DTNA: variants seen among roughly 807,000 people sequenced by gnomAD.
DTNA encodes the protein dystrobrevin alpha, also known as dystrophin-related protein 3.
A neutral mutation model predicts 100.7 loss-of-function variants in DTNA; 43 were observed. That is an observed-to-expected ratio of 0.43 (90% confidence interval 0.33 to 0.55). The LOEUF is 0.55. DTNA is among the 20% of genes least tolerant of loss of function. The probability of loss-of-function intolerance (pLI) is 0.04; values close to 1 mark genes in which losing one functional copy is unlikely to be tolerated. For synonymous variants in DTNA, 349 were observed against 347.9 expected (o/e 1.00, Z -0.04); for missense variants, 798 against 953.9 (o/e 0.84, Z 2.15).
At chr18:34,880,720 G>T (rs1455598275) in intron 20 of DTNA, among the ~76,000 whole-genome samples, 1 of 152,192 alleles carries the variant, frequency 6.6e-6, no homozygotes, top group African/African-American at 2.4e-5. Flanking sequence ...TTATCAAGAG[G>T]TGTGGTCTGA....
At chr18:34,831,352 C>G (rs1623775) in intron 11 of DTNA, among the ~76,000 whole-genome samples, 1 of 152,094 alleles carries the variant, frequency 6.6e-6, no homozygotes, top group South Asian at 2.1e-4. Flanking sequence ...TATATAACAT[C>G]TAGCCAGGTC....
rs555682581 is a variant in DTNA, at chr18:34,731,588, A to G, written c.-2+21143A>G. Among the ~76,000 whole-genome samples, 10 of 152,344 alleles carry G rather than the reference A, an allele frequency of 6.6e-5. No individual in the cohort carries two copies. The South Asian group carries it at 1.0e-3, about 16-fold the overall frequency. On this transcript the variant is annotated intron_variant, in intron 1 of 22. Transcript: ENST00000444659. ...AGTGCATAATGAAGAAATGATGATG[A>G]TGATGATTCTGTATTGGGTAGCCAG...
At position 34,753,638 on chromosome 18, in the gene DTNA, T is replaced by C. The variant is rs866959552; in HGVS notation, c.-1-2338T>C. ...ACCTCGTGATCCGCCCGCCTCGGCCTCCCAAAGTGCTGGGATTACAGGCGT... is the reference window on the plus strand; with the variant it reads ...ACCTCGTGATCCGCCCGCCTCGGCCCCCCAAAGTGCTGGGATTACAGGCGT... On this transcript the variant is annotated intron_variant, in intron 1 of 22. Transcript: ENST00000444659. Among the ~76,000 whole-genome samples the C allele has an allele frequency of 4.7e-4, 71 of 151,624 alleles. 3 individuals carry two copies. Among genetic ancestry groups the C allele is most frequent in the African/African-American group, 1.6e-3 (67 of 41,040 alleles).
chr18:34,890,341 T>C lies in DTNA; in HGVS notation c.*2607T>C. 6.5e-7 allele frequency: 1 copy of C among 1,536,128 alleles called. No homozygotes were observed. The highest frequency in any genetic ancestry group is 8.7e-7 in the Non-Finnish European group (1 of 1,146,906). On this transcript the variant is annotated 3_prime_UTR_variant, in exon 23 of 23. Transcript: ENST00000444659. ...AGACCAGACTCGAGCACCCCTGTCC[T>C]GTAAGCGAGACAAAATGGCGTGTGT...
intron 2 of DTNA, among the ~76,000 whole-genome samples, chr18:34,763,172 T>A (rs1314645143): frequency 6.6e-6 from 1 of 152,208 alleles, no homozygotes; most frequent in East Asian, 1.9e-4. Context: ...TATTTACAGA[T>A]ATTGAGACTC....
chr18:34,855,155 A>G (rs1191971585), intron 15 of DTNA, among the ~76,000 whole-genome samples: 1 of 152,236 alleles, frequency 6.6e-6, no homozygotes, highest in Non-Finnish European at 1.5e-5. Flanking sequence ...GAGAAAAGCA[A>G]CAAGACACTT....
intron 1 of DTNA, among the ~76,000 whole-genome samples, chr18:34,672,687 T>A (rs1247129158): frequency 2.0e-5 from 3 of 152,174 alleles, no homozygotes. Context: ...ACAGAGGAAG[T>A]ATTCATGCTG....
intron 9 of DTNA, among the ~76,000 whole-genome samples, chr18:34,826,666 A>G (rs1458697704): frequency 2.6e-5 from 4 of 152,170 alleles, no homozygotes; most frequent in African/African-American, 9.6e-5. Context: ...ATTATAGTGA[A>G]ACTGAAATTT....
chr18:34,508,305 T>G (rs896785882), intron 1 of DTNA, among the ~76,000 whole-genome samples: 1 of 152,220 alleles, frequency 6.6e-6, no homozygotes, highest in African/African-American at 2.4e-5. Context: ...TGTCACATAG[T>G]ATTGTTAGAG....
intron 1 of DTNA, among the ~76,000 whole-genome samples, chr18:34,718,633 C>CA (rs1445960994): frequency 6.6e-6 from 1 of 151,656 alleles, no homozygotes; most frequent in African/African-American, 2.4e-5. Flanking sequence ...TCACTGCAGT[C>CA]AAAAAAAGAA....
chr18:34,511,519 C>T (rs1601307648), intron 1 of DTNA, among the ~76,000 whole-genome samples: 1 of 152,014 alleles, frequency 6.6e-6, no homozygotes, highest in East Asian at 1.9e-4. Flanking sequence ...GCCTTAGCAT[C>T]TAAGTAAGCA....
At chr18:34,659,633 G>GACACAC (rs58171317) in intron 1 of DTNA, among the ~76,000 whole-genome samples, 4 of 146,880 alleles carry the variant, frequency 2.7e-5, no homozygotes, top group African/African-American at 2.5e-5. Context: ...GACACACACA[G>GACACAC]ACACACACAC....
At chr18:34,806,169 T>A in intron 4 of DTNA, 50 bp from the exon 5 acceptor site, 1 of 1,498,132 alleles carries the variant, frequency 6.7e-7, no homozygotes, top group Non-Finnish European at 9.3e-7. Flanking sequence ...AATGACATCA[T>A]GGTTTTGTTT....
intron 1 of DTNA, among the ~76,000 whole-genome samples, chr18:34,650,598 G>A (rs967520627): frequency 1.3e-5 from 2 of 152,072 alleles, no homozygotes; most frequent in Non-Finnish European, 2.9e-5. Context: ...TTAGCCTGTG[G>A]CACCTTCAGG....
chr18:34,818,065 T>C, intron 7 of DTNA, 99 bp from the exon 8 acceptor site: 1 of 1,605,180 alleles, frequency 6.2e-7, no homozygotes, highest in South Asian at 1.1e-5. Flanking sequence ...GAAATCGTGG[T>C]GCAGAGAAGA....
At chr18:34,574,926 T>C (rs2047969736) in intron 1 of DTNA, among the ~76,000 whole-genome samples, 1 of 152,236 alleles carries the variant, frequency 6.6e-6, no homozygotes, top group Non-Finnish European at 1.5e-5. Flanking sequence ...CAATTATCTC[T>C]AGTTACTTTA....
chr18:34,526,127 T>C (rs1434837257), intron 1 of DTNA, among the ~76,000 whole-genome samples: 1 of 152,168 alleles, frequency 6.6e-6, no homozygotes. Context: ...TGGTTAGAAA[T>C]CAAAGATCCA....
chr18:34,705,747 A>G (rs1296137593), upstream of DTNA, among the ~76,000 whole-genome samples: 2 of 152,190 alleles, frequency 1.3e-5, no homozygotes, highest in East Asian at 3.8e-4. Context: ...AAATTTATAT[A>G]CAAAGATATA....
At chr18:34,681,088 G>C (rs1052631676) in intron 1 of DTNA, among the ~76,000 whole-genome samples, 2 of 152,100 alleles carry the variant, frequency 1.3e-5, no homozygotes, top group African/African-American at 4.8e-5. Flanking sequence ...TCTTCAATTT[G>C]ATCCACCATT....
Sources: allele counts gnomAD v4.1 joint callset (sites outside exome capture counted in the v4.1 genomes callset), GRCh38; gene constraint gnomAD v4.1.1; transcripts MANE v1.5; gene names NCBI Gene and HGNC (gene_info 2026-07-23, HGNC 2026-07-21).